PCSK6: variants seen among roughly 807,000 people sequenced by gnomAD.
The protein encoded by PCSK6 is paired basic amino acid cleaving enzyme 4.
PCSK6 carries 85 observed loss-of-function variants against 123.3 expected under a neutral mutation model. That is an observed-to-expected ratio of 0.69 (90% CI 0.58 to 0.83). The LOEUF is 0.83. Among genes scored for constraint, PCSK6 ranks in the 40% least tolerant of loss-of-function variants. The probability of loss-of-function intolerance (pLI) is 0.00; values close to 1 mark genes in which losing one functional copy is unlikely to be tolerated. For synonymous variants in PCSK6, 508 were observed against 516.0 expected, an observed-to-expected ratio of 0.98 and a Z score of 0.21; for missense variants, 1,191 against 1,282.3, an observed-to-expected ratio of 0.93 and a Z score of 1.09.
At chr15:101,309,705 A>G (rs2141332663) in intron 20 of PCSK6, among the ~76,000 whole-genome samples, 1 of 152,306 alleles carries the variant, frequency 6.6e-6, no homozygotes, top group Non-Finnish European at 1.5e-5. Flanking sequence ...CCTGGGGGCA[A>G]GTGGAGGCAG....
chr15:101,422,684 C>T (rs952933788), intron 6 of PCSK6, among the ~76,000 whole-genome samples: 23 of 151,784 alleles, frequency 1.5e-4, no homozygotes, highest in African/African-American at 5.3e-4. Context: ...GCAGTTGGCG[C>T]GATCTCAGCT....
intron 13 of PCSK6, among the ~76,000 whole-genome samples, chr15:101,360,526 C>T (rs1454069135): frequency 8.4e-6 from 1 of 119,070 alleles, no homozygotes; most frequent in Non-Finnish European, 1.8e-5. Context: ...ACACACCAGA[C>T]ACACTCCTGC....
intron 16 of PCSK6, among the ~76,000 whole-genome samples, chr15:101,326,094 C>T (rs909892768): frequency 2.0e-5 from 3 of 152,262 alleles, no homozygotes; most frequent in Non-Finnish European, 4.4e-5. Context: ...GCACGCCCAA[C>T]ATGACCCACT....
At chr15:101,337,739 G>T (rs1487596368) in intron 13 of PCSK6, among the ~76,000 whole-genome samples, 1 of 152,148 alleles carries the variant, frequency 6.6e-6, no homozygotes, top group African/African-American at 2.4e-5. Context: ...CTCTTGTTTG[G>T]TGCATTAGCT....
chr15:101,312,163 A>T (rs2039880267), intron 20 of PCSK6: 1 of 92,828 alleles, frequency 1.1e-5, no homozygotes, highest in African/African-American at 5.6e-5. Flanking sequence ...CCCCATCGTC[A>T]CCCCTCACAG....
chr15:101,358,382 T>C (rs1370168393), intron 13 of PCSK6, among the ~76,000 whole-genome samples: 1 of 152,204 alleles, frequency 6.6e-6, no homozygotes, highest in Non-Finnish European at 1.5e-5. Flanking sequence ...CCCTTCCTTG[T>C]TTCTTTCAGC....
chr15:101,344,296 C>T (rs2040683941), intron 13 of PCSK6, among the ~76,000 whole-genome samples: 1 of 152,118 alleles, frequency 6.6e-6, no homozygotes, highest in South Asian at 2.1e-4. Context: ...CAAGTTTTTG[C>T]TCTATATGTA....
At chr15:101,364,755 A>G (rs1036015622) in intron 13 of PCSK6, 46 of 456,474 alleles carry the variant, frequency 1.0e-4, no homozygotes, top group Non-Finnish European at 1.7e-4. Context: ...TACATATCCA[A>G]TCTCTACCAG....
chr15:101,430,068 G>A lies in PCSK6; in HGVS notation c.658-5C>T. On this transcript the variant is annotated splice_polypyrimidine_tract_variant and splice_region_variant and intron_variant, in intron 4 of 21. Transcript: ENST00000611716. ...GTCGTAGCTGGCGTAGGAATCCTAAGAAATGGAATCGTGGTGAGTGAGGAG... is the reference window on the plus strand; with the variant it reads ...GTCGTAGCTGGCGTAGGAATCCTAAAAAATGGAATCGTGGTGAGTGAGGAG... 3 of 1,613,078 alleles carry A rather than the reference G, an allele frequency of 1.9e-6. No homozygotes were observed. The highest frequency in any genetic ancestry group is 2.5e-6 in the Non-Finnish European group (3 of 1,179,036).
intron 11 of PCSK6, among the ~76,000 whole-genome samples, chr15:101,379,990 G>A (rs1014965644): frequency 2.6e-5 from 4 of 152,148 alleles, no homozygotes; most frequent in Admixed American, 2.6e-4. Context: ...AGTTAAGCAA[G>A]TGATCTGATA....
chr15:101,336,937 G>A (rs2040491534), intron 13 of PCSK6: 1 of 152,116 alleles, frequency 6.6e-6, no homozygotes, highest in Admixed American at 6.5e-5. Flanking sequence ...TTTTCTAATA[G>A]GTGCGATTTG....
intron 6 of PCSK6, among the ~76,000 whole-genome samples, chr15:101,404,465 G>A (rs1014302908): frequency 1.3e-5 from 2 of 152,156 alleles, no homozygotes; most frequent in African/African-American, 4.8e-5. Context: ...GGGCCCAAGT[G>A]TCCAGCTCTC....
intron 6 of PCSK6, among the ~76,000 whole-genome samples, chr15:101,406,399 A>C (rs2042783429): frequency 6.6e-6 from 1 of 152,350 alleles, no homozygotes; most frequent in South Asian, 2.1e-4. Context: ...AGCAAATAAA[A>C]TTAGACTGTC....
intron 4 of PCSK6, 54 bp downstream of exon 4, chr15:101,431,266 T>A: frequency 6.3e-7 from 1 of 1,593,598 alleles, no homozygotes; most frequent in South Asian, 1.1e-5. Context: ...TGCATTTACT[T>A]AATGACCAGC....
intron 13 of PCSK6, among the ~76,000 whole-genome samples, chr15:101,333,218 C>A (rs1172524174): frequency 6.6e-6 from 1 of 152,192 alleles, no homozygotes; most frequent in Admixed American, 6.5e-5. Flanking sequence ...GTCATCACCC[C>A]ACATAGTTGA....
intron 1 of PCSK6, among the ~76,000 whole-genome samples, chr15:101,453,137 C>G (rs1478618844): frequency 3.3e-5 from 5 of 152,236 alleles, no homozygotes; most frequent in Non-Finnish European, 7.3e-5. Context: ...CGGCGACAGA[C>G]TGCTTCTCAG....
chr15:101,379,891 C>T (rs2041864731), intron 11 of PCSK6, among the ~76,000 whole-genome samples: 1 of 152,158 alleles, frequency 6.6e-6, no homozygotes, highest in Non-Finnish European at 1.5e-5. Context: ...GGAGGGGAGA[C>T]CCACAGGTGG....
intron 6 of PCSK6, among the ~76,000 whole-genome samples, chr15:101,410,795 G>T (rs1307511766): frequency 6.6e-6 from 1 of 152,202 alleles, no homozygotes; most frequent in East Asian, 1.9e-4. Flanking sequence ...GCTGCCTCTT[G>T]GCAGCTGTGT....
chr15:101,473,559 T>G (rs1394447078), intron 1 of PCSK6, among the ~76,000 whole-genome samples: 1 of 152,082 alleles, frequency 6.6e-6, no homozygotes. Context: ...TACTAATGAG[T>G]TCACAGAACT....
Sources: gnomAD v4.1 joint callset for allele counts (sites outside exome capture counted in the v4.1 genomes callset) on GRCh38, gnomAD v4.1.1 for gene constraint, MANE v1.5 for transcripts, NCBI Gene and HGNC (gene_info 2026-07-23, HGNC 2026-07-21) for gene names.